Variants in GRIN2A observed in about 807,000 individuals in gnomAD.
GRIN2A encodes the protein glutamate ionotropic receptor NMDA type subunit 2A.
GRIN2A carries 22 observed loss-of-function variants against 113.4 expected under a neutral mutation model. The observed-to-expected ratio is 0.19, with a 90% CI of 0.14 to 0.28. GRIN2A has a LOEUF of 0.28. Ranked by LOEUF, GRIN2A falls within the 10% of genes least tolerant of loss-of-function variation. The pLI is 1.00. For synonymous variants in GRIN2A, 827 were observed against 738.4 expected (o/e 1.12, Z -1.94); for missense variants, 1,502 against 1,887.0 (o/e 0.80, Z 3.78).
At chr16:10,137,637 T>G (rs1292938816) in intron 2 of GRIN2A, among the ~76,000 whole-genome samples, 1 of 152,216 alleles carries the variant, frequency 6.6e-6, no homozygotes, top group African/African-American at 2.4e-5. Context: ...CTACATTTCC[T>G]TAATTCAACT....
chr16:9,961,690 C>T (rs1028564033), intron 2 of GRIN2A, among the ~76,000 whole-genome samples: 13 of 152,236 alleles, frequency 8.5e-5, no homozygotes, highest in East Asian at 1.9e-4. Flanking sequence ...TTCGTGAAAA[C>T]GGCCATACTG....
intron 2 of GRIN2A, among the ~76,000 whole-genome samples, chr16:10,038,416 T>C (rs1453120076): frequency 1.3e-5 from 2 of 152,010 alleles, no homozygotes; most frequent in African/African-American, 4.8e-5. Context: ...CTGCGAACAT[T>C]TGGGGCTGGA....
chr16:9,817,450 C>T (rs2141283848), intron 10 of GRIN2A, among the ~76,000 whole-genome samples: 1 of 152,314 alleles, frequency 6.6e-6, no homozygotes, highest in South Asian at 2.1e-4. Context: ...GGCTTGGAGG[C>T]ACCCAATTTT....
chr16:9,861,587 G>C (rs2043069311), intron 4 of GRIN2A, among the ~76,000 whole-genome samples: 2 of 152,180 alleles, frequency 1.3e-5, no homozygotes, highest in African/African-American at 4.8e-5. Context: ...CACTGCTGTG[G>C]CTTGATATTA....
At position 9,968,406 on chromosome 16, in the gene GRIN2A, C is replaced by T. The variant is rs138965116; in HGVS notation, c.415-29855G>A. On this transcript the variant is annotated intron_variant, in intron 2 of 12. Coordinates refer to ENST00000330684, the MANE Select transcript of GRIN2A (RefSeq NM_001134407.3). ...TTGGCTCACTGCAACTTCCGCCTCC[C>T]GGGTTCAAGCAATTCTCCTGCCTCA... is the stretch of plus-strand genomic sequence containing the variant. 6.6e-5 allele frequency among the ~76,000 whole-genome samples: 10 copies of T among 152,218 alleles called. No individual in the cohort carries two copies. In the East Asian group the frequency reaches 9.7e-4, roughly 15 times the overall value.
At chr16:10,108,615 G>A (rs139746479) in intron 2 of GRIN2A, among the ~76,000 whole-genome samples, 1 of 152,270 alleles carries the variant, frequency 6.6e-6, no homozygotes, top group Non-Finnish European at 1.5e-5. Context: ...ACGTGTTCAG[G>A]GTCACACACT....
At chr16:9,881,034 C>A (rs2043471200) in intron 4 of GRIN2A, among the ~76,000 whole-genome samples, 1 of 152,194 alleles carries the variant, frequency 6.6e-6, no homozygotes, top group Non-Finnish European at 1.5e-5. Flanking sequence ...AGGAAATTTT[C>A]TTTGACAAAT....
intron 11 of GRIN2A, among the ~76,000 whole-genome samples, chr16:9,769,451 C>CTTTTTTTTTTTTTTTTTTTTGT (rs1901126611): frequency 2.8e-4 from 29 of 104,822 alleles, no homozygotes; most frequent in East Asian, 6.4e-4. Context: ...GGAGTTTTGT[C>CTTTTTTTTTTTTTTTTTTTTGT]TTTTTTTTTT....
At chr16:9,936,670 A>T (rs1374513222) in intron 3 of GRIN2A, among the ~76,000 whole-genome samples, 2 of 152,216 alleles carry the variant, frequency 1.3e-5, no homozygotes, top group African/African-American at 4.8e-5. Context: ...GGGAGTAGCT[A>T]AATAAATTAT....
At chr16:9,852,418 C>A (rs77335867) in intron 4 of GRIN2A, among the ~76,000 whole-genome samples, 5,255 of 152,256 alleles carry the variant, frequency 0.035, 124 homozygotes, top group African/African-American at 0.078. Flanking sequence ...CACATCACAA[C>A]CCCCACACCA....
At chr16:9,784,257 C>T (rs1035533108) in intron 11 of GRIN2A, among the ~76,000 whole-genome samples, 16 of 152,032 alleles carry the variant, frequency 1.1e-4, no homozygotes, top group Admixed American at 3.3e-4. Context: ...TGGCAAAACC[C>T]AGTCTCTACT....
chr16:9,839,575 C>T (rs1382416052), intron 7 of GRIN2A, among the ~76,000 whole-genome samples: 2 of 152,118 alleles, frequency 1.3e-5, no homozygotes, highest in Non-Finnish European at 2.9e-5. Flanking sequence ...GTGCAGTCAT[C>T]ATTATTTTCA....
intron 12 of GRIN2A, among the ~76,000 whole-genome samples, chr16:9,767,132 T>C (rs1027245756): frequency 1.7e-4 from 26 of 152,240 alleles, no homozygotes; most frequent in Non-Finnish European, 2.8e-4. Flanking sequence ...AAAGTTGGCA[T>C]AATACCTAGC....
chr16:9,947,121 T>C (rs553337272), intron 2 of GRIN2A, among the ~76,000 whole-genome samples: 10 of 152,330 alleles, frequency 6.6e-5, no homozygotes, highest in African/African-American at 2.2e-4. Flanking sequence ...TCTCTCTTCA[T>C]CATCCTTCCC....
At chr16:10,088,016 G>C (rs1191008177) in intron 2 of GRIN2A, among the ~76,000 whole-genome samples, 1 of 151,982 alleles carries the variant, frequency 6.6e-6, no homozygotes, top group African/African-American at 2.4e-5. Flanking sequence ...ACTCAGAAAA[G>C]TTACTTTATT....
intron 2 of GRIN2A, among the ~76,000 whole-genome samples, chr16:10,062,871 A>T (rs1331667557): frequency 6.6e-6 from 1 of 152,086 alleles, no homozygotes; most frequent in African/African-American, 2.4e-5. Context: ...TTTCAAAAAA[A>T]AAAAAAGAAG....
intron 9 of GRIN2A, among the ~76,000 whole-genome samples, chr16:9,825,424 C>A (rs1280241713): frequency 6.6e-6 from 1 of 152,024 alleles, no homozygotes; most frequent in Non-Finnish European, 1.5e-5. Context: ...ATTTTTTTTC[C>A]ATCCAATATG....
At chr16:10,116,170 G>T (rs2048725005) in intron 2 of GRIN2A, among the ~76,000 whole-genome samples, 1 of 152,164 alleles carries the variant, frequency 6.6e-6, no homozygotes, top group Admixed American at 6.5e-5. Context: ...TCCTTTGCAG[G>T]GACATGGATG....
intron 2 of GRIN2A, among the ~76,000 whole-genome samples, chr16:10,002,291 CA>C (rs1326351253): frequency 1.3e-5 from 2 of 152,168 alleles, no homozygotes; most frequent in Non-Finnish European, 2.9e-5. Flanking sequence ...CAATGGAAAT[CA>C]AGTTTTGGAG....
Sources: allele counts gnomAD v4.1 joint callset (sites outside exome capture counted in the v4.1 genomes callset), GRCh38; gene constraint gnomAD v4.1.1; transcripts MANE v1.5; gene names NCBI Gene and HGNC (gene_info 2026-07-23, HGNC 2026-07-21).